The following PDE3A variants were observed in gnomAD, a reference collection of about 807,000 sequenced individuals.
PDE3A encodes the protein cGMP-inhibited 3',5'-cyclic phosphodiesterase 3A.
A neutral mutation model predicts 98.3 loss-of-function variants in PDE3A; 43 were observed. The observed-to-expected ratio is 0.44, with a 90% CI of 0.34 to 0.56. The LOEUF is 0.56. Ranked by LOEUF, PDE3A falls within the 20% of genes least tolerant of loss-of-function variation. PDE3A has a pLI of 0.01. For missense variants in PDE3A, 1,427 were observed against 1,440.7 expected (o/e 0.99, Z 0.15); for synonymous variants, 663 against 567.9 (o/e 1.17, Z -2.38).
intron 1 of PDE3A, among the ~76,000 whole-genome samples, chr12:20,400,379 GTTTTTTTTTTTTTTTTTTTTTTTTT>G (rs75851941): frequency 7.3e-5 from 8 of 110,262 alleles, no homozygotes; most frequent in African/African-American, 2.1e-4. Context: ...GTTAACATTG[GTTTTTTTTTTTTTTTTTTTTTTTTT>G]TTTTTTTTTT....
chr12:20,516,925 C>T (rs1409062539), intron 1 of PDE3A, among the ~76,000 whole-genome samples: 1 of 152,038 alleles, frequency 6.6e-6, no homozygotes, highest in Non-Finnish European at 1.5e-5. Context: ...CTCTTTTCTC[C>T]CAATACAAAT....
intron 1 of PDE3A, among the ~76,000 whole-genome samples, chr12:20,486,736 C>T (rs2121027763): frequency 6.6e-6 from 1 of 152,300 alleles, no homozygotes; most frequent in East Asian, 1.9e-4. Flanking sequence ...CAGGTTCAAG[C>T]AATTCTCATG....
intron 15 of PDE3A, 77 bp downstream of exon 15, chr12:20,654,282 T>G (rs1944987193): frequency 7.3e-7 from 1 of 1,366,888 alleles, no homozygotes; most frequent in Non-Finnish European, 1.0e-6. Flanking sequence ...ATGCTTCTTA[T>G]GAAATACACA....
At chr12:20,415,492 C>T (rs2120728809) in intron 1 of PDE3A, among the ~76,000 whole-genome samples, 1 of 152,124 alleles carries the variant, frequency 6.6e-6, no homozygotes, top group South Asian at 2.1e-4. Flanking sequence ...TCGATTTCAG[C>T]TTACTGCAAC....
At chr12:20,549,495 T>C (rs1942142302) in intron 1 of PDE3A, among the ~76,000 whole-genome samples, 1 of 152,134 alleles carries the variant, frequency 6.6e-6, no homozygotes, top group South Asian at 2.1e-4. Context: ...ATAAACACTT[T>C]GTATTCTTCA....
At chr12:20,673,276 G>A (rs771483324) in intron 15 of PDE3A, among the ~76,000 whole-genome samples, 117 of 151,188 alleles carry the variant, frequency 7.7e-4, no homozygotes, top group Non-Finnish European at 1.4e-3. Flanking sequence ...TTCAACCATT[G>A]TGGAAGTCAG....
intron 2 of PDE3A, among the ~76,000 whole-genome samples, chr12:20,564,505 T>C (rs1316822551): frequency 6.6e-6 from 1 of 152,142 alleles, no homozygotes; most frequent in African/African-American, 2.4e-5. Context: ...AGTGGAATTA[T>C]GTCCAAGAAA....
At chr12:20,592,561 C>A (rs1203293315) in intron 2 of PDE3A, among the ~76,000 whole-genome samples, 1 of 152,090 alleles carries the variant, frequency 6.6e-6, no homozygotes, top group Non-Finnish European at 1.5e-5. Flanking sequence ...TCCACCTATG[C>A]TTGAGTACTA....
intron 1 of PDE3A, among the ~76,000 whole-genome samples, chr12:20,398,113 G>A (rs1225358773): frequency 2.0e-5 from 3 of 151,020 alleles, no homozygotes; most frequent in African/African-American, 7.3e-5. Context: ...TCTGGCTGGG[G>A]CAGGAACTCT....
intron 1 of PDE3A, among the ~76,000 whole-genome samples, chr12:20,477,359 C>G (rs1945548913): frequency 6.6e-6 from 1 of 152,270 alleles, no homozygotes; most frequent in South Asian, 2.1e-4. Context: ...ACACTATGTG[C>G]CAGCAAATTT....
chr12:20,639,115 C>T (rs1416027473), intron 9 of PDE3A, among the ~76,000 whole-genome samples: 1 of 152,074 alleles, frequency 6.6e-6, no homozygotes, highest in African/African-American at 2.4e-5. Context: ...GTCAGTTTTA[C>T]AGCACAAATG....
intron 1 of PDE3A, among the ~76,000 whole-genome samples, chr12:20,503,123 T>G (rs1242250032): frequency 6.6e-6 from 1 of 152,090 alleles, no homozygotes; most frequent in Non-Finnish European, 1.5e-5. Context: ...TATAGGCATT[T>G]AATCCATGAT....
chr12:20,535,491 A>C (rs911162426), intron 1 of PDE3A, among the ~76,000 whole-genome samples: 1 of 152,286 alleles, frequency 6.6e-6, no homozygotes, highest in Middle Eastern at 3.4e-3. Context: ...AAAGCACTCT[A>C]TGTGTCCCAG....
intron 1 of PDE3A, among the ~76,000 whole-genome samples, chr12:20,405,173 T>C (rs1944210460): frequency 6.6e-6 from 1 of 152,110 alleles, no homozygotes; most frequent in Non-Finnish European, 1.5e-5. Flanking sequence ...TCCTTCTCTG[T>C]CCCCTCAGCA....
In PDE3A at chr12:20,398,363, A is replaced by G. The variant is rs141521669; in HGVS notation, c.960+28119A>G. Among the ~76,000 whole-genome samples the G allele has an allele frequency of 7.4e-3, 1,052 of 141,770 alleles. 13 individuals carry two copies. The highest frequency in any genetic ancestry group is 0.026 in the African/African-American group (986 of 38,406). The allele number at this position is 141,770 out of a possible 152,430, so 93.0% of individuals were successfully genotyped here. On this transcript the variant is annotated intron_variant, in intron 1 of 15. Coordinates refer to ENST00000359062, the MANE Select transcript of PDE3A (RefSeq NM_000921.5). ...CGATAAATTTTTATTTTCTCAATTT[A>G]TATATATCAGATTTCTCACTCTGTG...
Position 20,369,789 on chromosome 12 carries a change from G to C in PDE3A, c.505G>C (p.Gly169Arg), listed in dbSNP as rs149604740. The change falls in exon 1 of 16, where the codon GGG becomes CGG. Residue 169 changes from glycine to arginine, a missense_variant. By Grantham distance (125) the Gly-to-Arg change is moderately radical (BLOSUM62 -2). This residue lies in a region of PDE3A where 1,012 missense variants were observed against 886.5 expected (regional missense o/e 1.14). Transcript: ENST00000359062. ...LAVALLAACC[G>R]GEALVQIGLG... Reference sequence around the variant, plus strand: ...TGTCGCGCTGCTGGCCGCCTGCTGCGGGGGGGAAGCGCTCGTCCAGATTGG... The same window carrying C: ...TGTCGCGCTGCTGGCCGCCTGCTGCCGGGGGGAAGCGCTCGTCCAGATTGG... 1.1e-5 allele frequency: 17 copies of C among 1,611,974 alleles called. No individual in the cohort carries two copies. The highest frequency in any genetic ancestry group is 5.5e-5 in the South Asian group (5 of 90,962).
intron 1 of PDE3A, among the ~76,000 whole-genome samples, chr12:20,468,525 A>G (rs562175223): frequency 6.6e-6 from 1 of 152,302 alleles, no homozygotes; most frequent in African/African-American, 2.4e-5. Context: ...ATGGTTATAT[A>G]AACATGCCAG....
intron 15 of PDE3A, among the ~76,000 whole-genome samples, chr12:20,669,775 G>C (rs1263874608): frequency 2.0e-5 from 3 of 151,802 alleles, no homozygotes; most frequent in Non-Finnish European, 4.4e-5. Flanking sequence ...TCGAGACTAG[G>C]AAGAAACTAC....
intron 15 of PDE3A, among the ~76,000 whole-genome samples, chr12:20,666,637 C>T (rs1166291850): frequency 6.6e-6 from 1 of 152,124 alleles, no homozygotes; most frequent in East Asian, 1.9e-4. Context: ...GAATATTATT[C>T]CATTGTGTAT....
Sources: gnomAD v4.1 joint callset for allele counts (sites outside exome capture counted in the v4.1 genomes callset) on GRCh38, gnomAD v4.1.1 for gene constraint, gnomAD v4.1.1 regional missense constraint, MANE v1.5 for transcripts, NCBI Gene and HGNC (gene_info 2026-07-23, HGNC 2026-07-21) for gene names.